Variants in KLHL6 observed in about 807,000 individuals in gnomAD.
KLHL6 encodes the protein kelch like family member 6.
In KLHL6, 41 loss-of-function variants were observed where a neutral mutation model predicts 58.6. The observed-to-expected ratio is 0.70, with a 90% CI of 0.55 to 0.91. KLHL6 has a LOEUF of 0.91. KLHL6 is among the 40% of genes least tolerant of loss of function. KLHL6 has a pLI of 0.00. For synonymous variants in KLHL6, 338 were observed against 322.7 expected, an observed-to-expected ratio of 1.05 and a Z score of -0.51; for missense variants, 714 against 805.6, an observed-to-expected ratio of 0.89 and a Z score of 1.38.
chr3:183,551,309 C>T (rs1306540442), intron 1 of KLHL6, among the ~76,000 whole-genome samples: 7 of 152,076 alleles, frequency 4.6e-5, no homozygotes, highest in South Asian at 2.1e-4. Flanking sequence ...AGCCAGCGTG[C>T]AAATCCAGGG....
intron 2 of KLHL6, among the ~76,000 whole-genome samples, chr3:183,527,379 A>G (rs1052614197): frequency 1.3e-5 from 2 of 152,230 alleles, no homozygotes; most frequent in South Asian, 4.1e-4. Flanking sequence ...AGTCTTTACT[A>G]TTTAAAAAGT....
chr3:183,515,703 C>A (rs980639412), intron 2 of KLHL6, among the ~76,000 whole-genome samples: 2 of 152,194 alleles, frequency 1.3e-5, no homozygotes, highest in Admixed American at 6.5e-5. Context: ...ACCTTGCTTT[C>A]CCCTTTTGTG....
intron 1 of KLHL6, chr3:183,544,486 G>C (rs956117285): frequency 2.0e-5 from 3 of 152,088 alleles, no homozygotes; most frequent in African/African-American, 4.8e-5. Flanking sequence ...TGAAACCAAG[G>C]CTCAGGAAAG....
At chr3:183,535,304 A>G (rs902417410) in intron 1 of KLHL6, among the ~76,000 whole-genome samples, 5 of 152,230 alleles carry the variant, frequency 3.3e-5, no homozygotes, top group African/African-American at 9.6e-5. Context: ...AATGCCCAAC[A>G]GCCACATGTG....
chr3:183,507,915 C>A, intron 3 of KLHL6, 144 bp downstream of exon 3: 1 of 690,644 alleles, frequency 1.4e-6, no homozygotes. Flanking sequence ...GCTTCTGGAA[C>A]TGACCGACTC....
At chr3:183,535,472 G>A (rs1188085068) in intron 1 of KLHL6, among the ~76,000 whole-genome samples, 4 of 152,136 alleles carry the variant, frequency 2.6e-5, no homozygotes, top group Non-Finnish European at 5.9e-5. Flanking sequence ...AGTTCAGCAG[G>A]ACAGGGTGGG....
chr3:183,506,540 G>A (rs756625671), intron 3 of KLHL6, among the ~76,000 whole-genome samples: 27 of 152,282 alleles, frequency 1.8e-4, no homozygotes, highest in Non-Finnish European at 3.4e-4. Context: ...TGAGAACACG[G>A]AGAGTGGCTG....
At chr3:183,522,946 A>T (rs1711820424) in intron 2 of KLHL6, 1 of 152,218 alleles carries the variant, frequency 6.6e-6, no homozygotes, top group Non-Finnish European at 1.5e-5. Flanking sequence ...CTGGGACTAC[A>T]GGCGCACGCC....
chr3:183,547,682 C>T (rs1453398034), intron 1 of KLHL6, among the ~76,000 whole-genome samples: 1 of 152,038 alleles, frequency 6.6e-6, no homozygotes, highest in African/African-American at 2.4e-5. Context: ...AGCATTTTTT[C>T]CCAGTTTGGA....
chr3:183,501,437 C>T (rs1197017755), intron 3 of KLHL6, among the ~76,000 whole-genome samples: 2 of 152,170 alleles, frequency 1.3e-5, no homozygotes, highest in African/African-American at 4.8e-5. Context: ...AAAAAAGCAC[C>T]GGCCTCCCTG....
At chr3:183,510,474 A>G (rs1489282955) in intron 2 of KLHL6, among the ~76,000 whole-genome samples, 1 of 152,080 alleles carries the variant, frequency 6.6e-6, no homozygotes, top group Non-Finnish European at 1.5e-5. Flanking sequence ...TAGGCTCTGG[A>G]CTTTACTCCA....
At position 183,489,902 on chromosome 3, in the gene KLHL6, C is replaced by G. The variant is rs951330432; in HGVS notation, c.*2025G>C. The G allele has an allele frequency of 2.0e-5, 3 of 152,176 alleles. No homozygotes were observed. Among genetic ancestry groups the G allele is most frequent in the Non-Finnish European group, 4.4e-5 (3 of 68,040 alleles). 9.4% of individuals were successfully genotyped at this position (152,176 alleles called of 1,614,324 possible). A position where few individuals can be genotyped will look rare whatever the true frequency, so the allele number is the denominator to read the frequency against. On this transcript the variant is annotated 3_prime_UTR_variant, in exon 7 of 7. Coordinates refer to ENST00000341319, the MANE Select transcript of KLHL6 (RefSeq NM_130446.4). Reference sequence around the variant, plus strand: ...ATGAAAATTCAATTCACTATCAACTCTAATAACTAACTTCCCAAACTGCTG... The same window carrying G: ...ATGAAAATTCAATTCACTATCAACTGTAATAACTAACTTCCCAAACTGCTG...
intron 1 of KLHL6, among the ~76,000 whole-genome samples, chr3:183,530,399 A>G (rs1712116312): frequency 6.6e-6 from 1 of 152,238 alleles, no homozygotes; most frequent in Non-Finnish European, 1.5e-5. Context: ...AGTGGCAAAG[A>G]AAGGACTAAA....
At position 183,494,364 on chromosome 3, in the gene KLHL6, G is replaced by C. The variant is rs73070575; in HGVS notation, c.1148-83C>G. On this transcript the variant is annotated intron_variant, in intron 4 of 6. Transcript: ENST00000341319. ...CCCATAATATCCCACATGTCCAAAAGTGCCAGGTCCCCAGGCCAGCCCTAC... is the reference window on the plus strand; with the variant it reads ...CCCATAATATCCCACATGTCCAAAACTGCCAGGTCCCCAGGCCAGCCCTAC... 3,763 of 1,217,290 alleles carry C rather than the reference G, an allele frequency of 3.1e-3. 92 individuals carry two copies. In the African/African-American group the frequency reaches 0.05, roughly 16 times the overall value. The allele number at this position is 1,217,290 out of a possible 1,614,324, so 75.4% of individuals were successfully genotyped here.
intron 1 of KLHL6, among the ~76,000 whole-genome samples, chr3:183,543,517 C>T (rs779017749): frequency 6.6e-5 from 10 of 152,218 alleles, no homozygotes; most frequent in Non-Finnish European, 1.2e-4. Context: ...AGTCACCTGA[C>T]ACTTTCCTAA....
chr3:183,521,099 A>G (rs1560101776), intron 2 of KLHL6: 1 of 152,316 alleles, frequency 6.6e-6, no homozygotes, highest in Non-Finnish European at 1.5e-5. Context: ...GAGAATGGCG[A>G]TGACTTTTAC....
Position 183,525,089 on chromosome 3 carries a change from C to A in KLHL6, c.459+2756G>T, listed in dbSNP as rs188778508. Among the ~76,000 whole-genome samples, 988 of 152,094 alleles carry A rather than the reference C, an allele frequency of 6.5e-3. 6 individuals carry two copies. Among genetic ancestry groups the A allele is most frequent in the African/African-American group, 0.023 (946 of 41,500 alleles). On this transcript the variant is annotated intron_variant, in intron 2 of 6. Coordinates refer to ENST00000341319, the MANE Select transcript of KLHL6 (RefSeq NM_130446.4). ...GACCAGCCTGACCAACATGGTGAAA[C>A]CCCGTCTCTACTAAAAATACAAAAA...
At chr3:183,520,705 A>C (rs1047338185) in intron 2 of KLHL6, 2 of 152,036 alleles carry the variant, frequency 1.3e-5, no homozygotes, top group Admixed American at 1.3e-4. Flanking sequence ...GAGTTTACAC[A>C]AACATCTCAG....
chr3:183,492,135 A>G lies in KLHL6; in HGVS notation c.1658T>C (p.Ile553Thr). 5.6e-6 allele frequency: 9 copies of G among 1,613,714 alleles called. No homozygotes were observed. The highest frequency in any genetic ancestry group is 7.6e-6 in the Non-Finnish European group (9 of 1,180,018). ...GTAGAGCCGGTTGTTGCAGGGCGCG[A>G]TACCGCAGCTGGCCCGCTCGTGGCT... ...QLSHERASCG[I>T]APCNNRLYIT... Residue 553 changes from isoleucine (I) to threonine (T), a missense_variant, in exon 7 of 7, where the codon ATC becomes ACC. Ile to Thr is a moderately conservative substitution (Grantham distance 89). Transcript: ENST00000341319. The surrounding 1 kb of genome is among the most constrained non-coding windows in gnomAD (Gnocchi z 5.9).
Sources: gnomAD v4.1 joint callset for allele counts (sites outside exome capture counted in the v4.1 genomes callset) on GRCh38, gnomAD v4.1.1 for gene constraint, Gnocchi (gnomAD v3.1) non-coding constraint, MANE v1.5 for transcripts, NCBI Gene and HGNC (gene_info 2026-07-23, HGNC 2026-07-21) for gene names.